MYO5A: variants seen among roughly 807,000 people sequenced by gnomAD.
MYO5A encodes the protein myosin VA, also known as unconventional myosin-Va.
In MYO5A, 98 loss-of-function variants were observed where a neutral mutation model predicts 249.7. The observed-to-expected ratio is 0.39, with a 90% CI of 0.33 to 0.46. The LOEUF (loss-of-function observed/expected upper bound fraction) is 0.46, where lower values mean the gene tolerates loss of function less well. Among genes scored for constraint, MYO5A ranks in the 20% least tolerant of loss-of-function variants. MYO5A has a pLI of 0.98. For synonymous variants in MYO5A, 778 were observed against 810.6 expected, an observed-to-expected ratio of 0.96 and a Z score of 0.68; for missense variants, 1,696 against 2,308.8, an observed-to-expected ratio of 0.73 and a Z score of 5.44.
At chr15:52,521,395 C>T (rs1435111519) in intron 1 of MYO5A, among the ~76,000 whole-genome samples, 1 of 152,130 alleles carries the variant, frequency 6.6e-6, no homozygotes, top group African/African-American at 2.4e-5. Flanking sequence ...GAAGTAGAAA[C>T]CCCAACCACA....
Position 52,397,155 on chromosome 15 carries a change from T to C in MYO5A, c.1319+46A>G, listed in dbSNP as rs772677288. The stretch of plus-strand genomic sequence containing the variant: ...CCACTTAGAGTTACTAGATAAGTTC[T>C]AGAAAGAAATGTTCTCTGGCAGACC... On this transcript the variant is annotated intron_variant, in intron 10 of 41. Coordinates refer to ENST00000399233, the MANE Select transcript of MYO5A (RefSeq NM_001382347.1). 5 of 1,604,082 alleles carry C rather than the reference T, an allele frequency of 3.1e-6. No individual in the cohort carries two copies. The South Asian group carries it at 4.4e-5, about 14-fold the overall frequency.
At position 52,433,291 on chromosome 15, in the gene MYO5A, A is replaced by G; in HGVS notation, c.28-6T>C. 6.3e-7 allele frequency: 1 copy of G among 1,588,124 alleles called. No homozygotes were observed. The highest frequency in any genetic ancestry group is 8.6e-7 in the Non-Finnish European group (1 of 1,156,642). On this transcript the variant is annotated splice_polypyrimidine_tract_variant and splice_region_variant and intron_variant, in intron 1 of 41. Coordinates refer to ENST00000399233, the MANE Select transcript of MYO5A (RefSeq NM_001382347.1). ...GGTATCCAAACCCTGGCAAACTAGA[A>G]GACAAAAAGAAAAAAATTTAAACTA...
At chr15:52,432,673 T>C (rs1006944211) in intron 2 of MYO5A, among the ~76,000 whole-genome samples, 1 of 152,308 alleles carries the variant, frequency 6.6e-6, no homozygotes, top group African/African-American at 2.4e-5. Flanking sequence ...ACATTTTGCC[T>C]AACAAAGCAG....
At chr15:52,323,517 C>T (rs1035168766) in intron 36 of MYO5A, 73 bp from the exon 37 acceptor site, 4 of 1,007,536 alleles carry the variant, frequency 4.0e-6, no homozygotes, top group Admixed American at 1.8e-5. Context: ...TGAACAGATA[C>T]CAAAAGACCC....
intron 16 of MYO5A, among the ~76,000 whole-genome samples, chr15:52,380,865 T>C (rs1164982736): frequency 3.9e-5 from 6 of 152,230 alleles, no homozygotes; most frequent in East Asian, 1.9e-4. Flanking sequence ...TAGCTCAGTA[T>C]ACAGAGCTCC....
rs909367218 is a variant in MYO5A at position 52,396,204 on chromosome 15, A to G, written c.1401+112T>C. Reference sequence around the variant, plus strand: ...TCATTAATCGTCAGTTCTAAGTTCCATATAATAATTTTAATTCACAACTTC... The same window carrying G: ...TCATTAATCGTCAGTTCTAAGTTCCGTATAATAATTTTAATTCACAACTTC... On this transcript the variant is annotated intron_variant, in intron 11 of 41. Transcript: ENST00000399233. 2.1e-5 allele frequency: 15 copies of G among 726,580 alleles called. No homozygotes were observed. In the African/African-American group the frequency reaches 2.7e-4, roughly 13 times the overall value. 45.0% of individuals were successfully genotyped at this position (726,580 alleles called of 1,614,324 possible).
intron 1 of MYO5A, among the ~76,000 whole-genome samples, chr15:52,499,135 G>A (rs912714992): frequency 3.9e-5 from 6 of 152,120 alleles, no homozygotes; most frequent in African/African-American, 1.2e-4. Context: ...TACTCCTGAA[G>A]CAGCTTCTCC....
At chr15:52,486,714 G>A (rs11853114) in intron 1 of MYO5A, among the ~76,000 whole-genome samples, 22,852 of 152,116 alleles carry the variant, frequency 0.15, 1,826 homozygotes, top group Middle Eastern at 0.22. Context: ...TGTTACAAAG[G>A]AGAGCAGTAT....
In MYO5A at chr15:52,426,003, A is replaced by G. The variant is rs201124459; in HGVS notation, c.311-29T>C. ...GGAATAGGGTAGGGGACAAGAAAGA[A>G]AAAGAAGTCAATGATACCCTAATGG... is the stretch of plus-strand genomic sequence containing the variant. On this transcript the variant is annotated intron_variant, in intron 3 of 41. Coordinates refer to ENST00000399233, the MANE Select transcript of MYO5A (RefSeq NM_001382347.1). 1.9e-5 allele frequency: 30 copies of G among 1,601,112 alleles called. No individual in the cohort carries two copies. The South Asian group carries it at 3.2e-4, about 17-fold the overall frequency.
intron 1 of MYO5A, among the ~76,000 whole-genome samples, chr15:52,475,788 G>A (rs2076578978): frequency 6.6e-6 from 1 of 152,172 alleles, no homozygotes; most frequent in Non-Finnish European, 1.5e-5. Flanking sequence ...TACATTTGCT[G>A]AGGAGTGCTT....
chr15:52,364,610 A>T lies in MYO5A; in HGVS notation c.3253T>A (p.Phe1085Ile). The T allele has an allele frequency of 6.2e-7, 1 of 1,613,870 alleles. No individual in the cohort carries two copies. The highest frequency in any genetic ancestry group is 8.5e-7 in the Non-Finnish European group (1 of 1,179,932). The change falls in exon 24 of 42, where the codon TTC becomes ATC. Residue 1085 changes from phenylalanine to isoleucine, a missense_variant. Physicochemically the swap from Phe to Ile is conservative, Grantham distance 21. This residue lies in a region of MYO5A where 412 missense variants were observed against 453.3 expected (regional missense o/e 0.91). Coordinates refer to ENST00000399233, the MANE Select transcript of MYO5A (RefSeq NM_001382347.1). Reference sequence around the variant, plus strand: ...TCATATCTTTCTTCCAGGCGACTGAACTCATTCAGAAGGTTCTGATATCTC... The same window carrying T: ...TCATATCTTTCTTCCAGGCGACTGATCTCATTCAGAAGGTTCTGATATCTC... ...RLRYQNLLNE[F>I]SRLEERYDDL... is the part of the protein sequence containing the mutation.
chr15:52,397,147 A>AT (rs2042524266), intron 10 of MYO5A, 54 bp downstream of exon 10: 1 of 1,593,390 alleles, frequency 6.3e-7, no homozygotes, highest in Non-Finnish European at 8.6e-7. Flanking sequence ...GAGTTACTAG[A>AT]TAAGTTCTAG....
intron 5 of MYO5A, among the ~76,000 whole-genome samples, chr15:52,413,801 T>C (rs141338872): frequency 2.0e-5 from 3 of 152,196 alleles, no homozygotes; most frequent in Admixed American, 6.5e-5. Context: ...CAAATTCTTA[T>C]AGATGAACAA....
intron 21 of MYO5A, among the ~76,000 whole-genome samples, chr15:52,371,887 A>G (rs201183322): frequency 2.4e-5 from 1 of 42,378 alleles, no homozygotes; most frequent in Non-Finnish European, 3.8e-5. Flanking sequence ...AGTAATAATA[A>G]TAATAATAAT....
At chr15:52,480,986 T>A (rs151285436) in intron 1 of MYO5A, among the ~76,000 whole-genome samples, 1 of 152,346 alleles carries the variant, frequency 6.6e-6, no homozygotes, top group Non-Finnish European at 1.5e-5. Context: ...CCCTTATGCC[T>A]ACCCATCTAA....
rs1394684197 is a variant in MYO5A, at chr15:52,375,478, C to A, written c.2421-18G>T. On this transcript the variant is annotated intron_variant, in intron 19 of 41. Transcript: ENST00000399233. ...TAGCATAGCTGGCCAAAGAAAATAA[C>A]ATTATGTTGTCAGTAATCAGAAAAA... 1.2e-6 allele frequency: 2 copies of A among 1,613,752 alleles called. No individual in the cohort carries two copies. Among genetic ancestry groups the A allele is most frequent in the East Asian group, 4.5e-5 (2 of 44,842 alleles).
intron 1 of MYO5A, among the ~76,000 whole-genome samples, chr15:52,490,323 G>A (rs1229697915): frequency 6.6e-6 from 1 of 152,174 alleles, no homozygotes; most frequent in Non-Finnish European, 1.5e-5. Context: ...ATAGCCAAAG[G>A]ATGGAAGCAA....
intron 14 of MYO5A, among the ~76,000 whole-genome samples, chr15:52,384,928 G>C (rs1039832571): frequency 6.6e-6 from 1 of 152,130 alleles, no homozygotes; most frequent in African/African-American, 2.4e-5. Context: ...AGAAAAAAAA[G>C]TTTAAAACCC....
chr15:52,373,745 G>A (rs1296432342), intron 20 of MYO5A, among the ~76,000 whole-genome samples: 1 of 152,118 alleles, frequency 6.6e-6, no homozygotes, highest in East Asian at 1.9e-4. Context: ...AGGAACACAG[G>A]AAGGTAACTA....
Sources: gnomAD v4.1 joint callset for allele counts (sites outside exome capture counted in the v4.1 genomes callset) on GRCh38, gnomAD v4.1.1 for gene constraint, gnomAD v4.1.1 regional missense constraint, MANE v1.5 for transcripts, NCBI Gene and HGNC (gene_info 2026-07-23, HGNC 2026-07-21) for gene names.